The following PDE1C variants were observed in gnomAD, a reference collection of about 807,000 sequenced individuals.
PDE1C encodes dual specificity calcium/calmodulin-dependent 3',5'-cyclic nucleotide phosphodiesterase 1C.
A neutral mutation model predicts 93.1 loss-of-function variants in PDE1C; 62 were observed. The ratio of observed to expected loss-of-function variants is 0.67; its 90% CI spans 0.54 to 0.82. PDE1C has a LOEUF of 0.82. PDE1C is among the 40% of genes least tolerant of loss of function. The pLI is 0.00. For synonymous variants in PDE1C, 325 were observed against 310.1 expected (o/e 1.05, Z -0.50); for missense variants, 742 against 884.6 (o/e 0.84, Z 2.04).
At chr7:31,713,446 G>A in the PDE1C span, among the ~76,000 whole-genome samples, 55 of 152,336 alleles carry the variant, frequency 3.6e-4, no homozygotes, top group Admixed American at 3.0e-3. Flanking sequence ...GTCTGGCGTC[G>A]AGTGTCTGCA....
At chr7:32,327,156 C>T (rs1299118302) in intron 1 of PDE1C, among the ~76,000 whole-genome samples, 1 of 152,230 alleles carries the variant, frequency 6.6e-6, no homozygotes, top group Non-Finnish European at 1.5e-5. Context: ...CAATTTCTGA[C>T]TGCCTCGACT....
At chr7:32,307,044 G>A (rs892549511) in intron 1 of PDE1C, among the ~76,000 whole-genome samples, 1 of 152,194 alleles carries the variant, frequency 6.6e-6, no homozygotes, top group Non-Finnish European at 1.5e-5. Context: ...TTCCTGGAGA[G>A]GATTCAGACC....
chr7:31,738,397 A>AG, the PDE1C span, among the ~76,000 whole-genome samples: 2 of 152,242 alleles, frequency 1.3e-5, no homozygotes, highest in Non-Finnish European at 2.9e-5. Flanking sequence ...GCGCTTGCGC[A>AG]GGGGAACTAC....
intron 2 of PDE1C, among the ~76,000 whole-genome samples, chr7:31,970,610 C>A (rs534564270): frequency 2.0e-5 from 3 of 152,302 alleles, no homozygotes; most frequent in Admixed American, 6.5e-5. Context: ...GTTGAGTAAA[C>A]AACTTGTAAA....
the PDE1C span, among the ~76,000 whole-genome samples, chr7:31,694,380 T>TCAAACACACACACACACACACACA: frequency 9.2e-6 from 1 of 109,182 alleles, no homozygotes; most frequent in African/African-American, 3.9e-5. Context: ...TCTCTCTCTC[T>TCAAACACACACACACACACACACA]CTCTCAAACA....
intron 1 of PDE1C, among the ~76,000 whole-genome samples, chr7:32,393,200 G>T (rs1006037066): frequency 4.6e-5 from 7 of 151,858 alleles, no homozygotes; most frequent in Admixed American, 6.6e-5. Context: ...CAGGAACAAG[G>T]CAAGGATATC....
chr7:31,930,186 A>G (rs781494161), intron 2 of PDE1C, among the ~76,000 whole-genome samples: 1 of 152,212 alleles, frequency 6.6e-6, no homozygotes, highest in Non-Finnish European at 1.5e-5. Context: ...ATTCCTGGAC[A>G]CATACACCCT....
Position 32,397,158 on chromosome 7 carries a change from C to CA in PDE1C, c.310+30663dup, listed in dbSNP as rs560545897. ...TATACTGAAATATACTTTCATGTGA[C>CA]AAAAAATATCATAACCAAAGCCGAA... is the stretch of plus-strand genomic sequence containing the variant. On this transcript the variant is annotated intron_variant, in intron 1 of 1. Transcript: ENST00000672256. 4.6e-5 allele frequency among the ~76,000 whole-genome samples: 7 copies of CA among 151,642 alleles called. No homozygotes were observed. In the East Asian group the frequency reaches 9.7e-4, roughly 21 times the overall value.
chr7:31,786,563 T>G (rs1008708058), intron 16 of PDE1C: 3 of 152,180 alleles, frequency 2.0e-5, no homozygotes, highest in African/African-American at 7.2e-5. Flanking sequence ...TTAGACGATT[T>G]TGAATGTGTT....
intron 2 of PDE1C, among the ~76,000 whole-genome samples, chr7:31,938,487 T>C (rs562984040): frequency 6.6e-6 from 1 of 152,274 alleles, no homozygotes; most frequent in East Asian, 1.9e-4. Context: ...ATATTATTGG[T>C]AGAAAGTTCT....
chr7:31,739,696 G>A, the PDE1C span, among the ~76,000 whole-genome samples: 7 of 152,102 alleles, frequency 4.6e-5, no homozygotes, highest in East Asian at 5.8e-4. Flanking sequence ...TTATGGTCAC[G>A]TAGAAGCACA....
intron 1 of PDE1C, among the ~76,000 whole-genome samples, chr7:32,345,212 G>A (rs1377843107): frequency 6.8e-6 from 1 of 147,908 alleles, no homozygotes. Flanking sequence ...TATGACTCCT[G>A]TCAATCATCC....
At chr7:31,900,682 G>T (rs1365923954) in intron 2 of PDE1C, among the ~76,000 whole-genome samples, 1 of 151,538 alleles carries the variant, frequency 6.6e-6, no homozygotes, top group Non-Finnish European at 1.5e-5. Flanking sequence ...TTCATATATT[G>T]CAGCTATATC....
chr7:31,665,987 A>AG, the PDE1C span, among the ~76,000 whole-genome samples: 1 of 152,168 alleles, frequency 6.6e-6, no homozygotes, highest in African/African-American at 2.4e-5. Flanking sequence ...CCTAAAGATT[A>AG]GGGAGAAATC....
At chr7:31,997,295 A>G (rs1481017226) in intron 2 of PDE1C, among the ~76,000 whole-genome samples, 2 of 152,204 alleles carry the variant, frequency 1.3e-5, no homozygotes, top group African/African-American at 4.8e-5. Context: ...TATCATGAGG[A>G]TTAAATGAGA....
chr7:31,937,098 G>A (rs1805192033), intron 2 of PDE1C, among the ~76,000 whole-genome samples: 1 of 152,132 alleles, frequency 6.6e-6, no homozygotes, highest in Non-Finnish European at 1.5e-5. Context: ...AGGGGGGATT[G>A]TGGAAGCCAA....
At chr7:31,705,092 C>G in the PDE1C span, among the ~76,000 whole-genome samples, 1 of 152,042 alleles carries the variant, frequency 6.6e-6, no homozygotes, top group Non-Finnish European at 1.5e-5. Flanking sequence ...GCTGGTTCAC[C>G]CTCTACTTGA....
At chr7:31,630,000 A>C in the PDE1C span, among the ~76,000 whole-genome samples, 4 of 152,176 alleles carry the variant, frequency 2.6e-5, no homozygotes, top group African/African-American at 4.8e-5. Flanking sequence ...ACACACACAC[A>C]CAAAATTGCT....
intron 6 of PDE1C, among the ~76,000 whole-genome samples, chr7:31,869,439 C>T (rs1254272760): frequency 1.3e-5 from 2 of 151,742 alleles, no homozygotes; most frequent in Non-Finnish European, 2.9e-5. Flanking sequence ...ATATTCCATG[C>T]AAATGGAAAT....
Sources: allele counts gnomAD v4.1 joint callset (sites outside exome capture counted in the v4.1 genomes callset), GRCh38; gene constraint gnomAD v4.1.1; transcripts MANE v1.5; gene names NCBI Gene and HGNC (gene_info 2026-07-23, HGNC 2026-07-21).